DTNB: variants seen among roughly 807,000 people sequenced by gnomAD.
DTNB encodes dystrobrevin beta, also known as DTN-B.
Under a neutral mutation model 90.7 loss-of-function variants are expected in DTNB, and 63 were observed. The ratio of observed to expected loss-of-function variants is 0.69; its 90% CI spans 0.57 to 0.86. The LOEUF (loss-of-function observed/expected upper bound fraction) is 0.86. DTNB is among the 40% of genes least tolerant of loss of function. DTNB has a pLI of 0.00. For synonymous variants in DTNB, 277 were observed against 286.7 expected, an observed-to-expected ratio of 0.97 and a Z score of 0.34; for missense variants, 744 against 807.1, an observed-to-expected ratio of 0.92 and a Z score of 0.95.
intron 8 of DTNB, among the ~76,000 whole-genome samples, chr2:25,549,196 G>T (rs946256855): frequency 6.6e-6 from 1 of 151,176 alleles, no homozygotes; most frequent in Non-Finnish European, 1.5e-5. Context: ...CATTTATTTT[G>T]ATTACTGATA....
chr2:25,483,608 C>G lies in DTNB; in HGVS notation c.1002-735G>C, dbSNP rs568453324. ...TAACTTGTCTTTAGCTGCAGGTTTT[C>G]TAGACTCAGGTCCATTTCTCCTTCT... On this transcript the variant is annotated intron_variant, in intron 9 of 20. Transcript: ENST00000406818. Among the ~76,000 whole-genome samples, 4 of 152,286 alleles carry G rather than the reference C, an allele frequency of 2.6e-5. No individual in the cohort carries two copies. In the East Asian group the frequency reaches 7.7e-4, roughly 29 times the overall value.
intron 8 of DTNB, among the ~76,000 whole-genome samples, chr2:25,532,429 G>A (rs1256745922): frequency 2.0e-5 from 3 of 152,084 alleles, no homozygotes; most frequent in African/African-American, 7.2e-5. Flanking sequence ...GTCAGATACA[G>A]ATACAGAGTA....
At chr2:25,447,201 A>G (rs963291699) in intron 12 of DTNB, among the ~76,000 whole-genome samples, 1 of 152,196 alleles carries the variant, frequency 6.6e-6, no homozygotes, top group Non-Finnish European at 1.5e-5. Context: ...TGAGGGTCTC[A>G]TTTTGCAAAG....
At chr2:25,510,483 A>C (rs1450870400) in intron 9 of DTNB, among the ~76,000 whole-genome samples, 1 of 151,436 alleles carries the variant, frequency 6.6e-6, no homozygotes, top group Non-Finnish European at 1.5e-5. Context: ...AGATTACTCA[A>C]GGCTGAGGTT....
chr2:25,628,833 C>T (rs534985473), intron 3 of DTNB, among the ~76,000 whole-genome samples: 37 of 152,304 alleles, frequency 2.4e-4, no homozygotes, highest in African/African-American at 8.9e-4. Context: ...ACAAATACAA[C>T]TGCATTAAGT....
At chr2:25,534,705 G>A (rs533601709) in intron 8 of DTNB, among the ~76,000 whole-genome samples, 1 of 148,374 alleles carries the variant, frequency 6.7e-6, no homozygotes, top group African/African-American at 2.5e-5. Flanking sequence ...AGACAGGGTG[G>A]CGGGTGGGCA....
At chr2:25,557,028 C>T (rs1378046388) in intron 8 of DTNB, among the ~76,000 whole-genome samples, 2 of 152,118 alleles carry the variant, frequency 1.3e-5, no homozygotes, top group Admixed American at 6.5e-5. Context: ...AGTTGCTTCT[C>T]GAATACAGAC....
chr2:25,465,877 G>A (rs1240641094), intron 10 of DTNB, among the ~76,000 whole-genome samples: 1 of 152,062 alleles, frequency 6.6e-6, no homozygotes, highest in Admixed American at 6.6e-5. Flanking sequence ...ATATTTTTCT[G>A]TCTTCTTTGC....
chr2:25,596,407 T>G (rs1049682785), intron 5 of DTNB, 167 bp from the exon 6 acceptor site: 58 of 704,726 alleles, frequency 8.2e-5, no homozygotes, highest in Admixed American at 1.2e-4. Flanking sequence ...ATTAACACTG[T>G]GTGGCTACCC....
chr2:25,649,621 A>C (rs371586129), intron 2 of DTNB, among the ~76,000 whole-genome samples: 15 of 152,178 alleles, frequency 9.9e-5, no homozygotes, highest in African/African-American at 3.4e-4. Context: ...CAGAAGGCTG[A>C]GGCGGGAGGA....
intron 9 of DTNB, among the ~76,000 whole-genome samples, chr2:25,484,845 G>C (rs2065803215): frequency 6.6e-6 from 1 of 152,154 alleles, no homozygotes; most frequent in African/African-American, 2.4e-5. Context: ...AAACTTTCAA[G>C]ACTATTAATG....
intron 16 of DTNB, among the ~76,000 whole-genome samples, chr2:25,414,928 A>T (rs963716887): frequency 1.3e-5 from 2 of 152,148 alleles, no homozygotes; most frequent in Admixed American, 1.3e-4. Context: ...TGGGCTGAAC[A>T]GTCACTCAGT....
intron 2 of DTNB, among the ~76,000 whole-genome samples, chr2:25,640,921 G>A (rs1295573054): frequency 1.3e-5 from 2 of 152,304 alleles, no homozygotes; most frequent in Middle Eastern, 3.4e-3. Context: ...CAGGAGAATG[G>A]CACGAACCCG....
In DTNB at chr2:25,527,519, C is replaced by T. The variant is rs370931517; in HGVS notation, c.1001+3954G>A. Among the ~76,000 whole-genome samples, 8 of 120,400 alleles carry T rather than the reference C, an allele frequency of 6.6e-5. No homozygotes were observed. The South Asian group carries it at 1.8e-3, about 27-fold the overall frequency. 79.0% of individuals were successfully genotyped at this position (120,400 alleles called of 152,430 possible). A position where few individuals can be genotyped will look rare whatever the true frequency, so the allele number is the denominator to read the frequency against. ...CTGGCGACAGACTGAGACTCTGTCT[C>T]AAAAAAAAAAGAGAAAGAAAAAATG... is the stretch of plus-strand genomic sequence containing the variant. On this transcript the variant is annotated intron_variant, in intron 9 of 20. Transcript: ENST00000406818.
At chr2:25,422,668 G>T (rs942061446) in intron 15 of DTNB, among the ~76,000 whole-genome samples, 1 of 151,994 alleles carries the variant, frequency 6.6e-6, no homozygotes, top group Non-Finnish European at 1.5e-5. Context: ...AAAGTGTTGG[G>T]ATTATAGGCA....
intron 8 of DTNB, among the ~76,000 whole-genome samples, chr2:25,536,871 T>C (rs374327874): frequency 6.6e-6 from 1 of 151,954 alleles, no homozygotes; most frequent in Non-Finnish European, 1.5e-5. Flanking sequence ...GCCTCCTGAG[T>C]TGCTGGGACT....
intron 2 of DTNB, among the ~76,000 whole-genome samples, chr2:25,643,694 C>A (rs2078842916): frequency 6.6e-6 from 1 of 152,162 alleles, no homozygotes; most frequent in Admixed American, 6.5e-5. Flanking sequence ...GGGCAGAGGA[C>A]TCCACACTGC....
chr2:25,670,505 T>C (rs1254292844), intron 1 of DTNB, among the ~76,000 whole-genome samples: 1 of 152,226 alleles, frequency 6.6e-6, no homozygotes, highest in Non-Finnish European at 1.5e-5. Flanking sequence ...CTGTCTGTAC[T>C]GTTTGAGTAT....
At chr2:25,520,281 A>G (rs2075916978) in intron 9 of DTNB, among the ~76,000 whole-genome samples, 1 of 152,204 alleles carries the variant, frequency 6.6e-6, no homozygotes, top group Non-Finnish European at 1.5e-5. Flanking sequence ...CTGAGGCAGG[A>G]GAACTGTTTG....
Sources: gnomAD v4.1 joint callset for allele counts (sites outside exome capture counted in the v4.1 genomes callset) on GRCh38, gnomAD v4.1.1 for gene constraint, MANE v1.5 for transcripts, NCBI Gene and HGNC (gene_info 2026-07-23, HGNC 2026-07-21) for gene names.